The following MAPKBP1 variants were observed in gnomAD, a reference collection of about 807,000 sequenced individuals.
MAPKBP1 encodes the protein mitogen-activated protein kinase binding protein 1, also known as mitogen-activated protein kinase-binding protein 1.
MAPKBP1 carries 71 observed loss-of-function variants against 170.5 expected under a neutral mutation model. The observed-to-expected ratio is 0.42, with a 90% CI of 0.34 to 0.51. The LOEUF is 0.51. Among genes scored for constraint, MAPKBP1 ranks in the 20% least tolerant of loss-of-function variants. The pLI is 0.06. For synonymous variants in MAPKBP1, 719 were observed against 757.9 expected (o/e 0.95, Z 0.84); for missense variants, 1,598 against 1,933.0 (o/e 0.83, Z 3.25).
In MAPKBP1 at chr15:41,817,784, G is replaced by A. The variant is rs200159876; in HGVS notation, c.1904+49G>A. The A allele has an allele frequency of 7.7e-5, 123 of 1,598,460 alleles. No individual in the cohort carries two copies. The African/African-American group carries it at 9.7e-4, about 13-fold the overall frequency. On this transcript the variant is annotated intron_variant, in intron 16 of 30. Transcript: ENST00000457542. The surrounding 1 kb of genome is among the most constrained non-coding windows in gnomAD (Gnocchi z 4.2). ...TGCCCACATTCCTTCATCTCCCTAC[G>A]GGGTCAGCTCTGTGCAGCTAAGTTC... is the stretch of plus-strand genomic sequence containing the variant.
Position 41,811,252 on chromosome 15 carries a change from G to A in MAPKBP1, c.327+17G>A. ...ACTGGAGAGGTGAGTGAGGAAGAGG[G>A]CTGGCAGTACTGTAAAGAGGGCAGG... On this transcript the variant is annotated intron_variant, in intron 5 of 30. Transcript: ENST00000457542. The A allele has an allele frequency of 1.2e-6, 2 of 1,614,214 alleles. No individual in the cohort carries two copies. Among genetic ancestry groups the A allele is most frequent in the South Asian group, 1.1e-5 (1 of 91,088 alleles).
intron 12 of MAPKBP1, 83 bp from the exon 13 acceptor site, chr15:41,816,476 G>T: frequency 2.2e-6 from 2 of 908,350 alleles, no homozygotes; most frequent in Admixed American, 2.1e-5. Context: ...GGAAAAAGGA[G>T]GAGAAAATGT....
At chr15:41,794,007 A>G (rs371466163) in intron 2 of MAPKBP1, among the ~76,000 whole-genome samples, 52 of 152,264 alleles carry the variant, frequency 3.4e-4, no homozygotes, top group Admixed American at 1.4e-3. Context: ...AGGTGGGTGG[A>G]TTGCTTGAGG....
chr15:41,789,158 T>C (rs2064349944), intron 2 of MAPKBP1, among the ~76,000 whole-genome samples: 1 of 152,138 alleles, frequency 6.6e-6, no homozygotes, highest in Non-Finnish European at 1.5e-5. Flanking sequence ...GGTTACAAAA[T>C]AGAAAAGCAA....
At chr15:41,793,347 C>T (rs1487244828) in intron 2 of MAPKBP1, among the ~76,000 whole-genome samples, 2 of 151,996 alleles carry the variant, frequency 1.3e-5, no homozygotes, top group African/African-American at 4.8e-5. Context: ...ATTAGCCGGA[C>T]GTGGTGGCAT....
intron 3 of MAPKBP1, among the ~76,000 whole-genome samples, chr15:41,802,112 T>C (rs973048743): frequency 6.6e-6 from 1 of 152,074 alleles, no homozygotes; most frequent in Non-Finnish European, 1.5e-5. Flanking sequence ...CCTAAGACAA[T>C]GGTATTTGTA....
chr15:41,813,498 C>G, intron 8 of MAPKBP1, 123 bp from the exon 9 acceptor site: 1 of 1,429,108 alleles, frequency 7.0e-7, no homozygotes, highest in Non-Finnish European at 9.7e-7. Flanking sequence ...GGCAGCTGGG[C>G]GGCTTTTCCC....
chr15:41,816,094 A>G (rs2064886014), intron 12 of MAPKBP1, among the ~76,000 whole-genome samples: 1 of 152,230 alleles, frequency 6.6e-6, no homozygotes, highest in Admixed American at 6.5e-5. Context: ...GGCGTGAGAA[A>G]ACATCCGACA....
Position 41,827,094 on chromosome 15 carries a change from G to T in MAPKBP1, c.*1658G>T, listed in dbSNP as rs1486453720. The T allele has an allele frequency of 1.3e-5, 2 of 150,994 alleles. No individual in the cohort carries two copies. Among genetic ancestry groups the T allele is most frequent in the African/African-American group, 4.9e-5 (2 of 40,848 alleles). The allele number at this position is 150,994 out of a possible 1,614,324, so 9.4% of individuals were successfully genotyped here. On this transcript the variant is annotated 3_prime_UTR_variant, in exon 31 of 31. Coordinates refer to ENST00000457542, the MANE Select transcript of MAPKBP1 (RefSeq NM_014994.3). ...GTGGATCACCTGAGGTTAGGAGTTC[G>T]AGATCAGCCTGGCCAACATGGTGAA...
At position 41,817,658 on chromosome 15, in the gene MAPKBP1, G is replaced by A. The variant is rs755252180; in HGVS notation, c.1827G>A (p.Arg609=). ...TCACACGGACACACCACGTGGTGCG[G>A]AAGACGACCCTCTATGACATGGATG... ...VQFTRTHHVV[R]KTTLYDMDVE... is the part of the protein sequence containing the mutation. Residue 609 remains arginine (R), a synonymous_variant, in exon 16 of 31, where the codon CGG becomes CGA. Transcript: ENST00000457542. The surrounding 1 kb of genome is among the most constrained non-coding windows in gnomAD (Gnocchi z 4.2). The A allele has an allele frequency of 3.1e-6, 5 of 1,614,104 alleles. No individual in the cohort carries two copies. In the South Asian group the frequency reaches 5.5e-5, roughly 18 times the overall value.
intron 7 of MAPKBP1, 59 bp downstream of exon 7, chr15:41,812,712 A>G: frequency 6.5e-7 from 1 of 1,529,236 alleles, no homozygotes; most frequent in Non-Finnish European, 8.8e-7. Context: ...GCCCAGCCCA[A>G]CCCAGGAGAC....
intron 5 of MAPKBP1, chr15:41,811,620 C>T: frequency 4.9e-6 from 3 of 617,718 alleles, no homozygotes; most frequent in Non-Finnish European, 6.0e-6. Flanking sequence ...CGCTTCTGTC[C>T]TGGCGGCGTA....
At chr15:41,792,328 G>A (rs2064409669) in intron 2 of MAPKBP1, among the ~76,000 whole-genome samples, 1 of 151,836 alleles carries the variant, frequency 6.6e-6, no homozygotes, top group Non-Finnish European at 1.5e-5. Flanking sequence ...GTTCCTACTG[G>A]GAGTGGTGGG....
In MAPKBP1 at chr15:41,817,970, C is replaced by T; in HGVS notation, c.1905-39C>T. 5 of 1,597,686 alleles carry T rather than the reference C, an allele frequency of 3.1e-6. No homozygotes were observed. The highest frequency in any genetic ancestry group is 4.5e-5 in the East Asian group (2 of 44,824). On this transcript the variant is annotated intron_variant, in intron 16 of 30. Coordinates refer to ENST00000457542, the MANE Select transcript of MAPKBP1 (RefSeq NM_014994.3). This position sits in a 1 kb window ranked among gnomAD's most constrained non-coding sequence, Gnocchi z 4.2. ...CCATCCCCCAGGCGTGTTCCACCTT[C>T]ACCGCCTCCTCATGAGAAAGAGACT...
chr15:41,812,695 A>T (rs1377128560), intron 7 of MAPKBP1, 42 bp downstream of exon 7: 1 of 1,556,508 alleles, frequency 6.4e-7, no homozygotes, highest in Non-Finnish European at 8.7e-7. Flanking sequence ...GGCCCCTGGC[A>T]GGGCCTGCCC....
Position 41,812,919 on chromosome 15 carries a change from G to A in MAPKBP1, c.637G>A (p.Val213Met). The A allele has an allele frequency of 1.3e-6, 2 of 1,595,786 alleles. No homozygotes were observed. The highest frequency in any genetic ancestry group is 1.7e-6 in the Non-Finnish European group (2 of 1,170,998). The change falls in exon 8 of 31, where the codon GTG (valine) becomes ATG (methionine). Residue 213 changes from valine to methionine, a missense_variant and splice_region_variant. Coordinates refer to ENST00000457542, the MANE Select transcript of MAPKBP1 (RefSeq NM_014994.3). ...GTGTAACAGTGGTGTGCCTCCACAG[G>A]TGAATGCCACTGTGCCCTTGCTGGG... is the stretch of plus-strand genomic sequence containing the variant. ...WYLDDSKTSKVNATVPLLGRS... is the reference protein window; with the variant it reads ...WYLDDSKTSKMNATVPLLGRS...
chr15:41,808,341 G>A (rs755643741), intron 3 of MAPKBP1, among the ~76,000 whole-genome samples: 1 of 150,404 alleles, frequency 6.6e-6, no homozygotes, highest in Non-Finnish European at 1.5e-5. Context: ...TCCTGACCTC[G>A]TGATCTGCCA....
At position 41,780,504 on chromosome 15, in the gene MAPKBP1, A is replaced by G. The variant is rs138237284; in HGVS notation, c.114+5115A>G. On this transcript the variant is annotated intron_variant, in intron 2 of 30. Coordinates refer to ENST00000457542, the MANE Select transcript of MAPKBP1 (RefSeq NM_014994.3). ...TCAGAGTATCCGTTGGTTTTACTTCATGTTCAGACTGCAGTGTTGTTAAAG... is the reference window on the plus strand; with the variant it reads ...TCAGAGTATCCGTTGGTTTTACTTCGTGTTCAGACTGCAGTGTTGTTAAAG... Among the ~76,000 whole-genome samples the G allele has an allele frequency of 4.6e-3, 707 of 152,302 alleles. 5 individuals are homozygous for G. Among genetic ancestry groups the G allele is most frequent in the African/African-American group, 0.016 (659 of 41,562 alleles).
intron 12 of MAPKBP1, 85 bp from the exon 13 acceptor site, chr15:41,816,474 G>T: frequency 1.1e-6 from 1 of 891,042 alleles, no homozygotes; most frequent in South Asian, 1.4e-5. Flanking sequence ...AAGGAAAAAG[G>T]AGGAGAAAAT....
Sources: gnomAD v4.1 joint callset for allele counts (sites outside exome capture counted in the v4.1 genomes callset) on GRCh38, gnomAD v4.1.1 for gene constraint, Gnocchi (gnomAD v3.1) non-coding constraint, MANE v1.5 for transcripts, NCBI Gene and HGNC (gene_info 2026-07-23, HGNC 2026-07-21) for gene names.